Variants in KCNK5 observed in about 807,000 individuals in gnomAD.
KCNK5 encodes the protein potassium two pore domain channel subfamily K member 5.
Under a neutral mutation model 32.9 loss-of-function variants are expected in KCNK5, and 18 were observed. The ratio of observed to expected loss-of-function variants is 0.55; its 90% CI spans 0.38 to 0.81. The LOEUF is 0.81. KCNK5 is among the 30% of genes least tolerant of loss of function. The pLI is 0.00. For synonymous variants in KCNK5, 276 were observed against 275.3 expected, an observed-to-expected ratio of 1.00 and a Z score of -0.03; for missense variants, 507 against 651.0, an observed-to-expected ratio of 0.78 and a Z score of 2.41.
At chr6:39,198,920 G>C (rs1384270937) in intron 1 of KCNK5, among the ~76,000 whole-genome samples, 3 of 152,186 alleles carry the variant, frequency 2.0e-5, no homozygotes, top group Non-Finnish European at 4.4e-5. Context: ...CATCCATCAA[G>C]GGTGTTGTGG....
At position 39,191,230 on chromosome 6, in the gene KCNK5, G is replaced by A. The variant is rs1472898290; in HGVS notation, c.1160C>T (p.Ala387Val). The part of the protein sequence containing the change: ...VARAPEDSSP[A>V]PEVFMNQLDR... ...CAGCTGGTTCATGAACACCTCGGGG[G>A]CAGGGGAGCTGTCTTCAGGGGCCCG... is the stretch of plus-strand genomic sequence containing the variant. Residue 387 changes from alanine to valine, a missense_variant, in exon 5 of 5, where the codon GCC becomes GTC. Transcript: ENST00000359534. The surrounding 1 kb of genome is among the most constrained non-coding windows in gnomAD (Gnocchi z 5.8). 1 of 1,614,184 alleles carries A rather than the reference G, an allele frequency of 6.2e-7. No individual in the cohort carries two copies. Among genetic ancestry groups the A allele is most frequent in the Non-Finnish European group, 8.5e-7 (1 of 1,180,040 alleles).
At chr6:39,201,908 C>T (rs1771139397) in intron 1 of KCNK5, among the ~76,000 whole-genome samples, 1 of 152,174 alleles carries the variant, frequency 6.6e-6, no homozygotes, top group South Asian at 2.1e-4. Context: ...GGTCACAGAG[C>T]TAGTTAGTTG....
Position 39,189,899 on chromosome 6 carries a change from G to A in KCNK5, c.*991C>T, listed in dbSNP as rs1192209539. Reference sequence around the variant, plus strand: ...CTGCCTGGCCCAAGGGGGCTGGTGGGAGGGGAAGGCGGGCAGTGAGGTCCT... The same window carrying A: ...CTGCCTGGCCCAAGGGGGCTGGTGGAAGGGGAAGGCGGGCAGTGAGGTCCT... On this transcript the variant is annotated 3_prime_UTR_variant, in exon 5 of 5. Coordinates refer to ENST00000359534, the MANE Select transcript of KCNK5 (RefSeq NM_003740.4). 1.3e-5 allele frequency: 2 copies of A among 152,572 alleles called. No homozygotes were observed. The highest frequency in any genetic ancestry group is 6.5e-5 in the Admixed American group (1 of 15,296). 9.5% of individuals were successfully genotyped at this position (152,572 alleles called of 1,614,324 possible).
chr6:39,191,504 T>A lies in KCNK5; in HGVS notation c.886A>T (p.Lys296Ter). 1 of 1,613,868 alleles carries A rather than the reference T, an allele frequency of 6.2e-7. No individual in the cohort carries two copies. Among genetic ancestry groups the A allele is most frequent in the Non-Finnish European group, 8.5e-7 (1 of 1,180,012 alleles). ...KDVNIFSFLS[K>*]KEETYNDLIK... The stretch of plus-strand genomic sequence containing the variant: ...AGGTCGTTGTAGGTCTCTTCCTTCT[T>A]GGAAAGAAAGCTGAAGATGTTGACG... Residue 296 changes from lysine (K) to a stop codon, truncating the protein, a stop_gained, in exon 5 of 5, where the codon AAG becomes TAG. Transcript: ENST00000359534. LOFTEE classifies it low-confidence loss of function (END_TRUNC). The surrounding 1 kb of genome is among the most constrained non-coding windows in gnomAD (Gnocchi z 5.8).
chr6:39,215,972 G>A (rs1416647655), intron 1 of KCNK5, among the ~76,000 whole-genome samples: 1 of 152,162 alleles, frequency 6.6e-6, no homozygotes, highest in Non-Finnish European at 1.5e-5. Flanking sequence ...CACTTATATA[G>A]CCAAAATGTC....
At position 39,194,072 on chromosome 6, in the gene KCNK5, G is replaced by T; in HGVS notation, c.634+97C>A. On this transcript the variant is annotated intron_variant, in intron 4 of 4. Transcript: ENST00000359534. This position sits in a 1 kb window ranked among gnomAD's most constrained non-coding sequence, Gnocchi z 4.7. ...TCCCACTGGGTAAGAGAAGTGCCCA[G>T]AACATGGAACCCTACCTAGGGCACC... The T allele has an allele frequency of 1.5e-6, 2 of 1,342,132 alleles. No homozygotes were observed. The highest frequency in any genetic ancestry group is 2.1e-6 in the Non-Finnish European group (2 of 941,598). The allele number at this position is 1,342,132 out of a possible 1,614,324, so 83.1% of individuals were successfully genotyped here. A position where few individuals can be genotyped will look rare whatever the true frequency, so the allele number is the denominator to read the frequency against.
At chr6:39,214,059 C>G (rs756847614) in intron 1 of KCNK5, among the ~76,000 whole-genome samples, 3 of 151,988 alleles carry the variant, frequency 2.0e-5, no homozygotes, top group Non-Finnish European at 4.4e-5. Context: ...ATAACCCCAA[C>G]GGTGGGTAGG....
chr6:39,198,475 C>A (rs1339274701), intron 1 of KCNK5, among the ~76,000 whole-genome samples: 1 of 152,124 alleles, frequency 6.6e-6, no homozygotes. Context: ...GATTCAAAAT[C>A]ATCTGGCTGG....
chr6:39,197,568 A>G (rs1771052140), intron 1 of KCNK5, among the ~76,000 whole-genome samples: 1 of 152,218 alleles, frequency 6.6e-6, no homozygotes, highest in Non-Finnish European at 1.5e-5. Context: ...GAAATGGCTA[A>G]AGGACATTTA....
rs1771729669 is a variant in KCNK5, at chr6:39,229,360, A to C, written c.-249T>G. 1 of 553,940 alleles carries C rather than the reference A, an allele frequency of 1.8e-6. No homozygotes were observed. The allele number at this position is 553,940 out of a possible 1,614,324, so 34.3% of individuals were successfully genotyped here. A position where few individuals can be genotyped will look rare whatever the true frequency, so the allele number is the denominator to read the frequency against. On this transcript the variant is annotated 5_prime_UTR_variant, in exon 1 of 5. Coordinates refer to ENST00000359534, the MANE Select transcript of KCNK5 (RefSeq NM_003740.4). ...GTGGGCGAACACCAGCGGGGCTGAA[A>C]GGGCGCCCTGGACCGCGGATGCGTA...
chr6:39,228,370 G>A (rs1467441427), intron 1 of KCNK5, among the ~76,000 whole-genome samples: 1 of 152,156 alleles, frequency 6.6e-6, no homozygotes, highest in Non-Finnish European at 1.5e-5. Flanking sequence ...GTGGGTTCGG[G>A]CCCCACAGAG....
intron 1 of KCNK5, among the ~76,000 whole-genome samples, chr6:39,222,895 ATTG>A (rs1458602951): frequency 6.6e-6 from 1 of 152,190 alleles, no homozygotes; most frequent in Admixed American, 6.5e-5. Flanking sequence ...AGGGAGAAGA[ATTG>A]TTGTTGAAGG....
At chr6:39,216,136 T>C (rs1189110705) in intron 1 of KCNK5, among the ~76,000 whole-genome samples, 2 of 151,710 alleles carry the variant, frequency 1.3e-5, no homozygotes, top group African/African-American at 4.9e-5. Flanking sequence ...TACAAAAAAA[T>C]TTGCAGGGTG....
At chr6:39,195,166 T>A (rs1771007275) in intron 2 of KCNK5, among the ~76,000 whole-genome samples, 1 of 152,208 alleles carries the variant, frequency 6.6e-6, no homozygotes. Flanking sequence ...CATCTAATCC[T>A]CTTCCCTTGG....
intron 4 of KCNK5, among the ~76,000 whole-genome samples, chr6:39,192,405 C>T (rs962331235): frequency 6.6e-6 from 1 of 151,546 alleles, no homozygotes; most frequent in African/African-American, 2.4e-5. Flanking sequence ...GAGTATTTGC[C>T]TTTCTGTTAA....
In KCNK5 at chr6:39,203,649, C is replaced by T. The variant is rs536776962; in HGVS notation, c.187-7662G>A. Among the ~76,000 whole-genome samples, 140 of 152,322 alleles carry T rather than the reference C, an allele frequency of 9.2e-4. 2 individuals are homozygous for T. The highest frequency in any genetic ancestry group is 5.9e-3 in the Admixed American group (91 of 15,302). On this transcript the variant is annotated intron_variant, in intron 1 of 4. Coordinates refer to ENST00000359534, the MANE Select transcript of KCNK5 (RefSeq NM_003740.4). ...CAACTCCCTCCCAGCCCCCACCCAG[C>T]GTGAACATGAAGCAAGACAATGGGC...
intron 1 of KCNK5, among the ~76,000 whole-genome samples, chr6:39,221,283 G>A (rs1181054179): frequency 6.6e-6 from 1 of 152,152 alleles, no homozygotes. Context: ...CTGTGGCCAA[G>A]TAAGTGCTTG....
chr6:39,192,283 CA>C (rs1226626372), intron 4 of KCNK5, among the ~76,000 whole-genome samples: 87 of 46,696 alleles, frequency 1.9e-3, no homozygotes, highest in African/African-American at 6.5e-3. Flanking sequence ...GACTCCGTCT[CA>C]AAAAAAAAAA....
rs775119102 is a variant in KCNK5 at position 39,194,728 on chromosome 6, C to T, written c.331G>A (p.Gly111Ser). 1.1e-5 allele frequency: 18 copies of T among 1,613,938 alleles called. No individual in the cohort carries two copies. The highest frequency in any genetic ancestry group is 1.1e-5 in the Non-Finnish European group (13 of 1,180,032). Residue 111 changes from glycine (G) to serine (S), a missense_variant, in exon 3 of 5, where the codon GGT becomes AGT. Gly to Ser is a moderately conservative substitution (Grantham distance 56). Transcript: ENST00000359534. The surrounding 1 kb of genome is among the most constrained non-coding windows in gnomAD (Gnocchi z 4.7). ...CCATAGAAAACACAGAAGAGGCGAC[C>T]GGCGGGGGTCTTGGGAGCCACATTG... ...YGNVAPKTPA[G>S]RLFCVFYGLF...
Sources: gnomAD v4.1 joint callset for allele counts (sites outside exome capture counted in the v4.1 genomes callset) on GRCh38, gnomAD v4.1.1 for gene constraint, Gnocchi (gnomAD v3.1) non-coding constraint, MANE v1.5 for transcripts, NCBI Gene and HGNC (gene_info 2026-07-23, HGNC 2026-07-21) for gene names.